KIF13B: variants seen among roughly 807,000 people sequenced by gnomAD.
KIF13B encodes kinesin-like protein KIF13B.
KIF13B carries 127 observed loss-of-function variants against 222.0 expected under a neutral mutation model. That is an observed-to-expected ratio of 0.57 (90% CI 0.50 to 0.66). The LOEUF (loss-of-function observed/expected upper bound fraction) is 0.66, where lower values mean the gene tolerates loss of function less well. KIF13B is among the 30% of genes least tolerant of loss of function. The pLI, the probability that KIF13B is intolerant of heterozygous loss-of-function variation, is 0.00. For missense variants in KIF13B, 2,173 were observed against 2,379.0 expected (o/e 0.91, Z 1.80); for synonymous variants, 976 against 919.0 (o/e 1.06, Z -1.12).
At chr8:29,103,070 G>A (rs543003782) in intron 35 of KIF13B, among the ~76,000 whole-genome samples, 13 of 151,934 alleles carry the variant, frequency 8.6e-5, no homozygotes, top group South Asian at 2.1e-4. Context: ...ATGAAACCCC[G>A]TCTCTACTAA....
rs1224706506 is a variant in KIF13B, at chr8:29,117,011, G to C, written c.3661-4C>G. On this transcript the variant is annotated splice_polypyrimidine_tract_variant and splice_region_variant and intron_variant, in intron 30 of 39. Transcript: ENST00000524189. ...CCCAGGAGGCTTCTGCTTTCACCTG[G>C]AGAGAAGACAGAGAGGAAACAGGTT... 1 of 1,552,994 alleles carries C rather than the reference G, an allele frequency of 6.4e-7. No individual in the cohort carries two copies. Among genetic ancestry groups the C allele is most frequent in the Admixed American group, 1.9e-5 (1 of 51,910 alleles).
At position 29,177,596 on chromosome 8, in the gene KIF13B, C is replaced by G. The variant is rs1428826684; in HGVS notation, c.721-18G>C. ...CCAGATGTCTACAAAGGAAATCAATCAATACTAATCAACAGGAACACAGGG... is the reference window on the plus strand; with the variant it reads ...CCAGATGTCTACAAAGGAAATCAATGAATACTAATCAACAGGAACACAGGG... On this transcript the variant is annotated intron_variant, in intron 8 of 39. Transcript: ENST00000524189. 6.6e-7 allele frequency: 1 copy of G among 1,509,644 alleles called. No homozygotes were observed. The highest frequency in any genetic ancestry group is 1.1e-5 in the South Asian group (1 of 88,974). The allele number at this position is 1,509,644 out of a possible 1,614,324, so 93.5% of individuals were successfully genotyped here.
At chr8:29,091,429 A>G (rs2133545042) in intron 37 of KIF13B, among the ~76,000 whole-genome samples, 1 of 152,356 alleles carries the variant, frequency 6.6e-6, no homozygotes, top group African/African-American at 2.4e-5. Flanking sequence ...CGCCTTCACC[A>G]AACAGCAACT....
chr8:29,257,983 C>A (rs1816549773), intron 1 of KIF13B, among the ~76,000 whole-genome samples: 1 of 152,214 alleles, frequency 6.6e-6, no homozygotes, highest in African/African-American at 2.4e-5. Context: ...TGTTGTAATA[C>A]ATGTGTGTCT....
intron 22 of KIF13B, among the ~76,000 whole-genome samples, chr8:29,133,283 A>G (rs992723710): frequency 6.6e-6 from 1 of 152,196 alleles, no homozygotes; most frequent in Non-Finnish European, 1.5e-5. Context: ...AAAAACAAAC[A>G]ACAACAACAA....
At chr8:29,230,931 G>A (rs1815257367) in intron 2 of KIF13B, among the ~76,000 whole-genome samples, 1 of 152,168 alleles carries the variant, frequency 6.6e-6, no homozygotes, top group Admixed American at 6.5e-5. Flanking sequence ...GGCTGCAGTA[G>A]TGCAATCACA....
At chr8:29,101,473 T>C (rs1808782310) in intron 35 of KIF13B, among the ~76,000 whole-genome samples, 1 of 152,080 alleles carries the variant, frequency 6.6e-6, no homozygotes, top group South Asian at 2.1e-4. Context: ...AACGACAAAT[T>C]ATGGAGGTGC....
intron 2 of KIF13B, among the ~76,000 whole-genome samples, chr8:29,242,276 CCAAA>C (rs963422234): frequency 6.6e-6 from 1 of 151,954 alleles, no homozygotes; most frequent in Non-Finnish European, 1.5e-5. Flanking sequence ...ACAAAAAACC[CCAAA>C]CAAACAAAAA....
At chr8:29,200,711 G>A (rs751282984) in intron 2 of KIF13B, among the ~76,000 whole-genome samples, 1 of 152,168 alleles carries the variant, frequency 6.6e-6, no homozygotes, top group Non-Finnish European at 1.5e-5. Flanking sequence ...AAGACCTTGT[G>A]TTACATATAC....
At chr8:29,189,642 G>A (rs1813087437) in intron 4 of KIF13B, 2 of 152,276 alleles carry the variant, frequency 1.3e-5, no homozygotes, top group Admixed American at 6.5e-5. Context: ...TGACAGGTGA[G>A]GTGATTTACT....
rs1195461642 is a variant in KIF13B at position 29,068,568 on chromosome 8, G to A, written c.*1936C>T. 1.3e-5 allele frequency: 2 copies of A among 152,312 alleles called. No homozygotes were observed. The highest frequency in any genetic ancestry group is 6.5e-5 in the Admixed American group (1 of 15,286). 9.4% of individuals were successfully genotyped at this position (152,312 alleles called of 1,614,324 possible). Reference sequence around the variant, plus strand: ...CGTCCCCCAGGACTTTCCCAAGATGGTGCTACAGGAGGCCGCTGCTGGGTG... The same window carrying A: ...CGTCCCCCAGGACTTTCCCAAGATGATGCTACAGGAGGCCGCTGCTGGGTG... On this transcript the variant is annotated 3_prime_UTR_variant, in exon 40 of 40. Coordinates refer to ENST00000524189, the MANE Select transcript of KIF13B (RefSeq NM_015254.4). The surrounding 1 kb of genome is among the most constrained non-coding windows in gnomAD (Gnocchi z 4.4).
intron 16 of KIF13B, 126 bp from the exon 17 acceptor site, chr8:29,147,728 G>C: frequency 1.4e-6 from 1 of 716,104 alleles, no homozygotes. Flanking sequence ...AGACAATTTG[G>C]CATAAACTTA....
Position 29,187,676 on chromosome 8 carries a change from T to A in KIF13B, c.316+839A>T, listed in dbSNP as rs945285275. Reference sequence around the variant, plus strand: ...ACTGACACTTAAGTATAATTCCTTCTGTTTTTAGTAGCAGTGTTTTTGCAA... The same window carrying A: ...ACTGACACTTAAGTATAATTCCTTCAGTTTTTAGTAGCAGTGTTTTTGCAA... On this transcript the variant is annotated intron_variant, in intron 5 of 39. Transcript: ENST00000524189. Among the ~76,000 whole-genome samples, 17 of 152,372 alleles carry A rather than the reference T, an allele frequency of 1.1e-4. No homozygotes were observed. The East Asian group carries it at 2.5e-3, about 22-fold the overall frequency.
upstream of KIF13B, among the ~76,000 whole-genome samples, chr8:29,263,352 A>G (rs1816760764): frequency 1.3e-5 from 2 of 152,380 alleles, no homozygotes; most frequent in South Asian, 4.1e-4. Context: ...TTGAGAAGTA[A>G]GCCTTCAAGA....
chr8:29,164,580 T>C (rs1811911020), intron 12 of KIF13B, among the ~76,000 whole-genome samples: 1 of 152,194 alleles, frequency 6.6e-6, no homozygotes, highest in Non-Finnish European at 1.5e-5. Context: ...CTTAACGCTC[T>C]TAGCTACAAA....
chr8:29,145,325 A>G (rs557056658), intron 18 of KIF13B, among the ~76,000 whole-genome samples: 1 of 152,350 alleles, frequency 6.6e-6, no homozygotes, highest in East Asian at 1.9e-4. Flanking sequence ...CTATGATGTC[A>G]TAGGGAAAGA....
At chr8:29,114,556 A>G (rs1341355978) in intron 31 of KIF13B, among the ~76,000 whole-genome samples, 1 of 152,104 alleles carries the variant, frequency 6.6e-6, no homozygotes, top group African/African-American at 2.4e-5. Context: ...TTGGTTTTCC[A>G]TTTGTATGGA....
At position 29,098,170 on chromosome 8, in the gene KIF13B, C is replaced by CAAAAAAAAAAAAAAAAAAAAAAAAA. The variant is rs147089450; in HGVS notation, c.4324+962_4324+963insTTTTTTTTTTTTTTTTTTTTTTTTT. Among the ~76,000 whole-genome samples, 44 of 30,292 alleles carry CAAAAAAAAAAAAAAAAAAAAAAAAA rather than the reference C, an allele frequency of 1.5e-3. 2 individuals are homozygous for CAAAAAAAAAAAAAAAAAAAAAAAAA. Among genetic ancestry groups the CAAAAAAAAAAAAAAAAAAAAAAAAA allele is most frequent in the Non-Finnish European group, 1.8e-3 (31 of 17,072 alleles). The allele number at this position is 30,292 out of a possible 152,430, so 19.9% of individuals were successfully genotyped here. A position where few individuals can be genotyped will look rare whatever the true frequency, so the allele number is the denominator to read the frequency against. On this transcript the variant is annotated intron_variant, in intron 36 of 39. Coordinates refer to ENST00000524189, the MANE Select transcript of KIF13B (RefSeq NM_015254.4). ...TGGGCGACAGAGTCAGACTCCATCT[C>CAAAAAAAAAAAAAAAAAAAAAAAAA]AAAAAAAAAAAAAAAAAAAAGTAAG... is the stretch of plus-strand genomic sequence containing the variant.
At chr8:29,117,626 C>T (rs755312590) in intron 30 of KIF13B, among the ~76,000 whole-genome samples, 4 of 152,124 alleles carry the variant, frequency 2.6e-5, no homozygotes, top group East Asian at 1.9e-4. Context: ...AATGCATAGC[C>T]GCTGGGTGTG....
Sources: gnomAD v4.1 joint callset for allele counts (sites outside exome capture counted in the v4.1 genomes callset) on GRCh38, gnomAD v4.1.1 for gene constraint, Gnocchi (gnomAD v3.1) non-coding constraint, MANE v1.5 for transcripts, NCBI Gene and HGNC (gene_info 2026-07-23, HGNC 2026-07-21) for gene names.